Variants in TPRKB observed in about 807,000 individuals in gnomAD.
The protein encoded by TPRKB is TP53RK binding protein, also known as EKC/KEOPS complex subunit TPRKB.
A neutral mutation model predicts 17.8 loss-of-function variants in TPRKB; 11 were observed. The ratio of observed to expected loss-of-function variants is 0.62; its 90% CI spans 0.39 to 1.02. The LOEUF is 1.02. TPRKB is among the 50% of genes least tolerant of loss of function. TPRKB has a pLI of 0.00. For synonymous variants in TPRKB, 71 were observed against 69.5 expected (o/e 1.02, Z -0.11); for missense variants, 228 against 198.0 (o/e 1.15, Z -0.91).
chr2:73,734,150 G>A (rs1340252442), intron 2 of TPRKB, among the ~76,000 whole-genome samples: 1 of 150,986 alleles, frequency 6.6e-6, no homozygotes, highest in East Asian at 1.9e-4. Context: ...CCAGGCTGGA[G>A]TGCAATGGCG....
intron 1 of TPRKB, among the ~76,000 whole-genome samples, chr2:73,734,888 G>C (rs999538271): frequency 1.3e-5 from 2 of 152,226 alleles, no homozygotes; most frequent in African/African-American, 4.8e-5. Context: ...AGTAGGAGCA[G>C]AATGTCAGGA....
At chr2:73,736,732 G>A (rs907825832) in intron 1 of TPRKB, among the ~76,000 whole-genome samples, 7 of 152,158 alleles carry the variant, frequency 4.6e-5, no homozygotes, top group African/African-American at 1.7e-4. Flanking sequence ...CTATAATCCA[G>A]TCGTCACCAG....
Position 73,731,860 on chromosome 2 carries a change from GT to G in TPRKB, c.264+302del, listed in dbSNP as rs140871048. The G allele has an allele frequency of 1.9e-3, 418 of 225,254 alleles. 12 individuals are homozygous for G. The East Asian group carries it at 0.04, about 22-fold the overall frequency. The allele number at this position is 225,254 out of a possible 1,614,324, so 14.0% of individuals were successfully genotyped here. A position where few individuals can be genotyped will look rare whatever the true frequency, so the allele number is the denominator to read the frequency against. On this transcript the variant is annotated intron_variant, in intron 3 of 4. Coordinates refer to ENST00000272424, the MANE Select transcript of TPRKB (RefSeq NM_016058.5). ...AGCACACAAAATATCCACGCCTAAT[GT>G]TTTATCATTTAGATTTCTGTCAGCT... is the stretch of plus-strand genomic sequence containing the variant.
intron 4 of TPRKB, 111 bp from the exon 5 acceptor site, chr2:73,730,140 T>G: frequency 8.0e-7 from 1 of 1,254,364 alleles, no homozygotes; most frequent in African/African-American, 1.5e-5. Flanking sequence ...ATTGGGTTCA[T>G]GGTATAACAA....
chr2:73,733,814 CTTTTTTT>C (rs755122123), intron 2 of TPRKB, among the ~76,000 whole-genome samples: 1 of 114,040 alleles, frequency 8.8e-6, no homozygotes, highest in African/African-American at 3.9e-5. Context: ...CTCATTCATT[CTTTTTTT>C]TTTTTTTTTT....
chr2:73,733,256 T>TTTG (rs1671717414), intron 2 of TPRKB, among the ~76,000 whole-genome samples: 1 of 142,694 alleles, frequency 7.0e-6, no homozygotes, highest in South Asian at 2.3e-4. Flanking sequence ...GTTTTTTTGT[T>TTTG]TTTTTTTTTT....
chr2:73,732,939 G>GTAGT (rs1479593928), intron 2 of TPRKB, among the ~76,000 whole-genome samples: 1 of 152,102 alleles, frequency 6.6e-6, no homozygotes, highest in Non-Finnish European at 1.5e-5. Flanking sequence ...AGTAGTAGCA[G>GTAGT]TAGTAGTAGT....
chr2:73,730,513 T>C (rs1262339426), intron 4 of TPRKB, 47 bp downstream of exon 4: 16 of 1,364,308 alleles, frequency 1.2e-5, no homozygotes, highest in Middle Eastern at 5.1e-4. Flanking sequence ...GGCATCAGCA[T>C]TATTGCTCAT....
At chr2:73,736,278 T>G (rs970164546) in intron 1 of TPRKB, among the ~76,000 whole-genome samples, 8 of 152,200 alleles carry the variant, frequency 5.3e-5, no homozygotes, top group African/African-American at 1.7e-4. Flanking sequence ...AAGATACACA[T>G]ATTTTTTTAA....
chr2:73,731,390 A>G (rs73948195), intron 3 of TPRKB, among the ~76,000 whole-genome samples: 3,060 of 152,344 alleles, frequency 0.02, 106 homozygotes, highest in African/African-American at 0.069. Context: ...ACTGAATTCA[A>G]GAGTTTTCTG....
At position 73,731,336 on chromosome 2, in the gene TPRKB, C is replaced by G. The variant is rs558859196; in HGVS notation, c.265-600G>C. 1.2e-4 allele frequency among the ~76,000 whole-genome samples: 19 copies of G among 152,254 alleles called. 1 individual carries two copies. The highest frequency in any genetic ancestry group is 4.6e-4 in the African/African-American group (19 of 41,530). ...CAGGAACATATTTGCCTCTTCTGCCCCTAGAACTGTAAATGGAACGGGGAA... is the reference window on the plus strand; with the variant it reads ...CAGGAACATATTTGCCTCTTCTGCCGCTAGAACTGTAAATGGAACGGGGAA... On this transcript the variant is annotated intron_variant, in intron 3 of 4. Transcript: ENST00000272424.
At chr2:73,734,654 TAATA>T (rs773700695) in intron 1 of TPRKB, 63 bp from the exon 2 acceptor site, 17 of 1,373,192 alleles carry the variant, frequency 1.2e-5, no homozygotes, top group African/African-American at 2.9e-5. Flanking sequence ...ACTCATTTCT[TAATA>T]AATATTCAAA....
At position 73,734,436 on chromosome 2, in the gene TPRKB, G is replaced by A. The variant is rs1278542230; in HGVS notation, c.134C>T (p.Pro45Leu). The stretch of plus-strand genomic sequence containing the variant: ...CTTAAAATTTATATTTACCACTGTA[G>A]GATTTATCAGTGATCCATCGATGGT... ...EGTIDGSLIN[P>L]TVIVDPFQIL... The change falls in exon 2 of 5, where the codon CCT (proline) becomes CTT (leucine). Residue 45 changes from proline to leucine, a missense_variant. Transcript: ENST00000272424. 1 of 1,611,638 alleles carries A rather than the reference G, an allele frequency of 6.2e-7. No homozygotes were observed. The highest frequency in any genetic ancestry group is 2.2e-5 in the East Asian group (1 of 44,860).
chr2:73,732,095 C>T, intron 3 of TPRKB, 68 bp downstream of exon 3: 1 of 1,538,246 alleles, frequency 6.5e-7, no homozygotes, highest in Non-Finnish European at 8.8e-7. Flanking sequence ...ATTTAGCCTC[C>T]AACCCAACAC....
At chr2:73,732,474 G>T in intron 2 of TPRKB, 189 bp from the exon 3 acceptor site, 2 of 584,516 alleles carry the variant, frequency 3.4e-6, no homozygotes, top group South Asian at 2.2e-5. Context: ...CACTTTGGGA[G>T]GCCAAGGTGG....
At position 73,733,246 on chromosome 2, in the gene TPRKB, G is replaced by GTTTTTTTTTTTTTTTTTTT. The variant is rs3076394; in HGVS notation, c.142-962_142-961insAAAAAAAAAAAAAAAAAAA. ...AACATGATCGCACTGCGTGTGCCCT[G>GTTTTTTTTTTTTTTTTTTT]TTTTTTTGTTTTTTTTTTTTTTTGG... On this transcript the variant is annotated intron_variant, in intron 2 of 4. Coordinates refer to ENST00000272424, the MANE Select transcript of TPRKB (RefSeq NM_016058.5). 2.5e-5 allele frequency among the ~76,000 whole-genome samples: 3 copies of GTTTTTTTTTTTTTTTTTTT among 119,378 alleles called. 1 individual carries two copies. The highest frequency in any genetic ancestry group is 2.9e-5 in the African/African-American group (1 of 33,910). The allele number at this position is 119,378 out of a possible 152,430, so 78.3% of individuals were successfully genotyped here.
At chr2:73,734,279 A>G in intron 2 of TPRKB, 150 bp downstream of exon 2, 1 of 674,110 alleles carries the variant, frequency 1.5e-6, no homozygotes, top group South Asian at 2.5e-5. Flanking sequence ...TTGTATTTTT[A>G]GTTGAGACAG....
Position 73,734,594 on chromosome 2 carries a change from G to A in TPRKB, c.-22-3C>T. 1.3e-6 allele frequency: 2 copies of A among 1,564,796 alleles called. No individual in the cohort carries two copies. The highest frequency in any genetic ancestry group is 1.2e-5 in the South Asian group (1 of 83,518). ...TTTCACAGATAAGCAGGATTCTACT[G>A]CACACAAAATGAAAAGACCAAAAGA... On this transcript the variant is annotated splice_region_variant and splice_polypyrimidine_tract_variant and intron_variant, in intron 1 of 4. Coordinates refer to ENST00000272424, the MANE Select transcript of TPRKB (RefSeq NM_016058.5).
chr2:73,729,879 A>T lies in TPRKB; in HGVS notation c.*64T>A. 1 of 1,373,574 alleles carries T rather than the reference A, an allele frequency of 7.3e-7. No homozygotes were observed. Among genetic ancestry groups the T allele is most frequent in the Non-Finnish European group, 9.6e-7 (1 of 1,039,954 alleles). 85.1% of individuals were successfully genotyped at this position (1,373,574 alleles called of 1,614,324 possible). On this transcript the variant is annotated 3_prime_UTR_variant, in exon 5 of 5. Transcript: ENST00000272424. ...TTCTATAATGCACAATTAGTTTTAT[A>T]GTCAGGAAAGGAAAATCAATGTTTT...
Sources: gnomAD v4.1 joint callset for allele counts (sites outside exome capture counted in the v4.1 genomes callset) on GRCh38, gnomAD v4.1.1 for gene constraint, MANE v1.5 for transcripts, NCBI Gene and HGNC (gene_info 2026-07-23, HGNC 2026-07-21) for gene names.